The following UEVLD variants were observed in gnomAD, a reference collection of about 807,000 sequenced individuals.
The protein encoded by UEVLD is UEV and lactate/malate dehyrogenase domains, also known as ubiquitin-conjugating enzyme E2 variant 3.
In UEVLD, 47 loss-of-function variants were observed where a neutral mutation model predicts 58.6. The observed-to-expected ratio is 0.80, with a 90% CI of 0.63 to 1.02. The LOEUF (loss-of-function observed/expected upper bound fraction) is 1.02, where lower values mean the gene tolerates loss of function less well. Ranked by LOEUF, UEVLD falls within the 50% of genes least tolerant of loss-of-function variation. The pLI is 0.00. For synonymous variants in UEVLD, 197 were observed against 195.3 expected (o/e 1.01, Z -0.07); for missense variants, 510 against 550.6 (o/e 0.93, Z 0.74).
chr11:18,560,034 A>G (rs749038979), intron 6 of UEVLD, among the ~76,000 whole-genome samples: 12 of 142,460 alleles, frequency 8.4e-5, no homozygotes, highest in Non-Finnish European at 1.7e-4. Flanking sequence ...GGATGGGCAT[A>G]GGCTGGAGTC....
At chr11:18,534,545 T>C (rs763825006) in intron 10 of UEVLD, 92 bp from the exon 11 acceptor site, 37 of 1,335,644 alleles carry the variant, frequency 2.8e-5, no homozygotes, top group Non-Finnish European at 3.5e-5. Context: ...GATGTTTCTA[T>C]GACAGAAACA....
intron 8 of UEVLD, among the ~76,000 whole-genome samples, chr11:18,545,594 A>C (rs1851274256): frequency 6.6e-6 from 1 of 151,446 alleles, no homozygotes; most frequent in African/African-American, 2.4e-5. Flanking sequence ...ACAGGTGTGC[A>C]CCACCACACT....
rs1449522891 is a variant in UEVLD at position 18,531,080 on chromosome 11, A to G, written c.*1240T>C. On this transcript the variant is annotated 3_prime_UTR_variant, in exon 12 of 12. Coordinates refer to ENST00000396197, the MANE Select transcript of UEVLD (RefSeq NM_001040697.4). ...ACATGAGAATGAAAGTAATCCTTTCATGGTGTACAGGACCCCAGCTTTAGG... is the reference window on the plus strand; with the variant it reads ...ACATGAGAATGAAAGTAATCCTTTCGTGGTGTACAGGACCCCAGCTTTAGG... 1 of 152,108 alleles carries G rather than the reference A, an allele frequency of 6.6e-6. No homozygotes were observed. The highest frequency in any genetic ancestry group is 2.4e-5 in the African/African-American group (1 of 41,424). 9.4% of individuals were successfully genotyped at this position (152,108 alleles called of 1,614,324 possible).
chr11:18,579,511 A>G (rs1376224578), intron 1 of UEVLD: 3 of 985,220 alleles, frequency 3.0e-6, no homozygotes, highest in African/African-American at 1.7e-5. Context: ...GGCACGGCTC[A>G]TTCACTTGAG....
intron 6 of UEVLD, 146 bp from the exon 7 acceptor site, chr11:18,558,476 A>C: frequency 2.2e-6 from 1 of 445,974 alleles, no homozygotes; most frequent in Admixed American, 4.2e-5. Context: ...ATAGCAATAA[A>C]AGTGACATGC....
chr11:18,550,813 A>G (rs922123014), intron 7 of UEVLD, among the ~76,000 whole-genome samples: 2 of 152,200 alleles, frequency 1.3e-5, no homozygotes, highest in Non-Finnish European at 2.9e-5. Context: ...GCAGTTCTTA[A>G]ATGCTAGGCT....
chr11:18,565,079 A>T (rs1852230852), intron 5 of UEVLD, 69 bp from the exon 6 acceptor site: 15 of 1,158,896 alleles, frequency 1.3e-5, no homozygotes, highest in South Asian at 5.3e-5. Context: ...CTTTAAAAAA[A>T]ATATATAGCA....
chr11:18,534,236 C>A, intron 11 of UEVLD, 94 bp downstream of exon 11: 1 of 964,594 alleles, frequency 1.0e-6, no homozygotes. Flanking sequence ...ATACTGAAGA[C>A]ACCTGGGGTT....
intron 10 of UEVLD, among the ~76,000 whole-genome samples, chr11:18,535,015 T>G (rs1850730899): frequency 6.6e-6 from 1 of 152,230 alleles, no homozygotes. Context: ...CATGTAGCTT[T>G]TGAGAAGAAT....
chr11:18,557,385 C>T (rs1442271442), intron 7 of UEVLD, among the ~76,000 whole-genome samples: 1 of 152,022 alleles, frequency 6.6e-6, no homozygotes, highest in Non-Finnish European at 1.5e-5. Flanking sequence ...ATTTCCCGAC[C>T]TCGTGATCTG....
At chr11:18,585,439 C>T (rs1853498207) in intron 1 of UEVLD, among the ~76,000 whole-genome samples, 1 of 152,100 alleles carries the variant, frequency 6.6e-6, no homozygotes, top group South Asian at 2.1e-4. Flanking sequence ...TCTCCATTCT[C>T]CTTTCGCCAT....
intron 6 of UEVLD, chr11:18,564,003 T>TA (rs34386323): frequency 0.083 from 12,922 of 155,094 alleles, 482 homozygotes; most frequent in African/African-American, 0.14. Context: ...AGACTCCACC[T>TA]AAAAAAAAAA....
intron 5 of UEVLD, 116 bp from the exon 6 acceptor site, chr11:18,565,126 C>A: frequency 1.5e-6 from 1 of 659,518 alleles, no homozygotes; most frequent in Non-Finnish European, 2.5e-6. Context: ...GGTGCTAGTC[C>A]ATAATGGGCA....
intron 11 of UEVLD, among the ~76,000 whole-genome samples, chr11:18,534,005 G>C (rs549377184): frequency 2.6e-5 from 4 of 152,232 alleles, no homozygotes; most frequent in Non-Finnish European, 5.9e-5. Context: ...CTGGAGTCCA[G>C]TGACATGATC....
chr11:18,554,413 G>A (rs1312523634), intron 7 of UEVLD, among the ~76,000 whole-genome samples: 2 of 19,182 alleles, frequency 1.0e-4, no homozygotes, highest in African/African-American at 4.3e-4. Flanking sequence ...TTTTTTTTTT[G>A]AGACAGAGTT....
rs1852840032 is a variant in UEVLD at position 18,575,241 on chromosome 11, A to G, written c.193+106T>C. On this transcript the variant is annotated intron_variant, in intron 3 of 11. Transcript: ENST00000396197. ...TCCAGTAAGGTTCTGTATAGGTCAT[A>G]TATCTGCAATAATACTTTAAGAATG... The G allele has an allele frequency of 8.2e-6, 10 of 1,222,110 alleles. No individual in the cohort carries two copies. In the South Asian group the frequency reaches 1.3e-4, roughly 16 times the overall value. The allele number at this position is 1,222,110 out of a possible 1,614,324, so 75.7% of individuals were successfully genotyped here. A position where few individuals can be genotyped will look rare whatever the true frequency, so the allele number is the denominator to read the frequency against.
intron 9 of UEVLD, 86 bp from the exon 10 acceptor site, chr11:18,536,555 C>T: frequency 2.7e-6 from 3 of 1,126,798 alleles, no homozygotes; most frequent in Non-Finnish European, 4.0e-6. Context: ...GTCAAGGGTA[C>T]CTGTGCTAAT....
At chr11:18,571,613 G>A (rs1405523468) in intron 3 of UEVLD, among the ~76,000 whole-genome samples, 1 of 152,146 alleles carries the variant, frequency 6.6e-6, no homozygotes, top group Non-Finnish European at 1.5e-5. Context: ...GCACTGAAGA[G>A]TCCGAACTCC....
intron 8 of UEVLD, 141 bp from the exon 9 acceptor site, chr11:18,544,937 C>CAT (rs931380372): frequency 1.9e-5 from 9 of 463,810 alleles, no homozygotes; most frequent in African/African-American, 1.7e-4. Context: ...TACACACACA[C>CAT]ATATATACAT....
Sources: allele counts gnomAD v4.1 joint callset (sites outside exome capture counted in the v4.1 genomes callset), GRCh38; gene constraint gnomAD v4.1.1; transcripts MANE v1.5; gene names NCBI Gene and HGNC (gene_info 2026-07-23, HGNC 2026-07-21).